SLC35D2: variants seen among roughly 807,000 people sequenced by gnomAD.
SLC35D2 encodes nucleotide sugar transporter SLC35D2.
A neutral mutation model predicts 41.8 loss-of-function variants in SLC35D2; 43 were observed. That is an observed-to-expected ratio of 1.03 (90% CI 0.81 to 1.33). The LOEUF is 1.33. SLC35D2 is among the 40% of genes most tolerant of loss of function. The pLI, the probability that SLC35D2 is intolerant of heterozygous loss-of-function variation, is 0.00. For missense variants in SLC35D2, 380 were observed against 408.4 expected, an observed-to-expected ratio of 0.93 and a Z score of 0.60; for synonymous variants, 150 against 163.9, an observed-to-expected ratio of 0.92 and a Z score of 0.65.
At chr9:96,316,669 A>T (rs1385490863), downstream of SLC35D2, among the ~76,000 whole-genome samples, 1 of 152,176 alleles carries the variant, frequency 6.6e-6, no homozygotes, top group Non-Finnish European at 1.5e-5. Context: ...GATTGCAGAC[A>T]AAAGCCTCAG....
chr9:96,350,113 CG>C (rs1829748380), intron 6 of SLC35D2, among the ~76,000 whole-genome samples: 2 of 152,018 alleles, frequency 1.3e-5, no homozygotes, highest in Admixed American at 1.3e-4. Flanking sequence ...ACAGATGACA[CG>C]TAAGTAATAA....
In SLC35D2 at chr9:96,333,844, T is replaced by C. The variant is rs768045266; in HGVS notation, c.752+2873A>G. On this transcript the variant is annotated intron_variant, in intron 9 of 11. Coordinates refer to ENST00000253270, the MANE Select transcript of SLC35D2 (RefSeq NM_007001.3). The stretch of plus-strand genomic sequence containing the variant: ...AAGTTTACAATGACATGAGAAGACT[T>C]TGAAACTTTGCTCTCCTGTTCACAG... Among the ~76,000 whole-genome samples, 5 of 152,124 alleles carry C rather than the reference T, an allele frequency of 3.3e-5. No individual in the cohort carries two copies. In the South Asian group the frequency reaches 6.2e-4, roughly 19 times the overall value.
In SLC35D2 at chr9:96,341,210, G is replaced by A. The variant is rs73536811; in HGVS notation, c.684+2694C>T. Reference sequence around the variant, plus strand: ...GCCGAGGCAGGAGAATTGCTTGAATGTGGGAGACAGAAGTTTCAGTGAGCC... The same window carrying A: ...GCCGAGGCAGGAGAATTGCTTGAATATGGGAGACAGAAGTTTCAGTGAGCC... On this transcript the variant is annotated intron_variant, in intron 8 of 11. Transcript: ENST00000253270. 2.5e-3 allele frequency among the ~76,000 whole-genome samples: 379 copies of A among 152,222 alleles called. 1 individual carries two copies. The highest frequency in any genetic ancestry group is 8.5e-3 in the African/African-American group (354 of 41,512).
At chr9:96,371,713 A>C (rs1219807522) in intron 1 of SLC35D2, among the ~76,000 whole-genome samples, 2 of 145,372 alleles carry the variant, frequency 1.4e-5, no homozygotes, top group Non-Finnish European at 3.0e-5. Context: ...GTTAAAACTA[A>C]ATTTCTTTTT....
intron 1 of SLC35D2, among the ~76,000 whole-genome samples, chr9:96,372,015 C>T (rs1407015906): frequency 1.3e-5 from 2 of 152,166 alleles, no homozygotes; most frequent in South Asian, 2.1e-4. Flanking sequence ...CGTGAGCCAC[C>T]GCGCCCAGCC....
chr9:96,324,933 C>T (rs533075626), intron 9 of SLC35D2, among the ~76,000 whole-genome samples: 1 of 152,238 alleles, frequency 6.6e-6, no homozygotes, highest in Admixed American at 6.6e-5. Context: ...GGGGCCCCGA[C>T]CGTGCACGAT....
Position 96,345,328 on chromosome 9 carries a change from C to A in SLC35D2, c.562G>T (p.Val188Phe), listed in dbSNP as rs745543550. The A allele has an allele frequency of 6.2e-7, 1 of 1,611,090 alleles. No individual in the cohort carries two copies. The highest frequency in any genetic ancestry group is 1.7e-5 in the Admixed American group (1 of 59,594). The stretch of plus-strand genomic sequence containing the variant: ...GGGTCCATTTTCTGTTTGGTATAAA[C>A]TCCATTTGCTGCTGTGAAGATATCA... ...LNDIFTAANG[V>F]YTKQKMDPKE... The change falls in exon 7 of 12, where the codon GTT becomes TTT. Residue 188 changes from valine to phenylalanine, a missense_variant. Physicochemically the swap from Val to Phe is conservative, Grantham distance 50. Transcript: ENST00000253270.
intron 6 of SLC35D2, among the ~76,000 whole-genome samples, chr9:96,347,694 A>T (rs1394827600): frequency 1.3e-5 from 2 of 152,092 alleles, no homozygotes; most frequent in Admixed American, 1.3e-4. Context: ...CTTAAATAGG[A>T]GCTGGGTAAA....
intron 8 of SLC35D2, among the ~76,000 whole-genome samples, chr9:96,340,097 T>C (rs1484602246): frequency 1.3e-5 from 2 of 152,052 alleles, no homozygotes; most frequent in Non-Finnish European, 2.9e-5. Context: ...CTAATTCATT[T>C]CTTTCTCCTA....
chr9:96,366,676 A>G (rs1462638646), intron 2 of SLC35D2, among the ~76,000 whole-genome samples: 1 of 151,156 alleles, frequency 6.6e-6, no homozygotes, highest in East Asian at 2.0e-4. Flanking sequence ...GAGTTTCACC[A>G]TGTTGTCCAG....
downstream of SLC35D2, among the ~76,000 whole-genome samples, chr9:96,317,870 A>C (rs1828093119): frequency 9.5e-6 from 1 of 104,936 alleles, no homozygotes; most frequent in Non-Finnish European, 1.7e-5. Flanking sequence ...CAAAAATACA[A>C]AAAAAAAAAA....
At chr9:96,344,143 C>T (rs190034345) in intron 7 of SLC35D2, 147 bp from the exon 8 acceptor site, 1 of 528,612 alleles carries the variant, frequency 1.9e-6, no homozygotes, top group East Asian at 3.4e-5. Context: ...AAATTTCTGA[C>T]ATAAAATGCT....
chr9:96,374,678 T>TA (rs199722043), intron 1 of SLC35D2, among the ~76,000 whole-genome samples: 34 of 126,782 alleles, frequency 2.7e-4, no homozygotes, highest in Middle Eastern at 4.6e-3. Flanking sequence ...ACTAAAAAAA[T>TA]AAAAAAAAAA....
rs530098714 is a variant in SLC35D2, at chr9:96,379,603, C to G, written c.158+3874G>C. ...CTACCAAAAGGTCCTTTCTTCTATCCTACAACACAACATTCTATCCTCAGA... is the reference window on the plus strand; with the variant it reads ...CTACCAAAAGGTCCTTTCTTCTATCGTACAACACAACATTCTATCCTCAGA... On this transcript the variant is annotated intron_variant, in intron 1 of 11. Coordinates refer to ENST00000253270, the MANE Select transcript of SLC35D2 (RefSeq NM_007001.3). Among the ~76,000 whole-genome samples the G allele has an allele frequency of 2.0e-5, 3 of 152,300 alleles. No homozygotes were observed. In the East Asian group the frequency reaches 5.8e-4, roughly 29 times the overall value.
intron 6 of SLC35D2, among the ~76,000 whole-genome samples, chr9:96,349,328 C>G (rs1182427695): frequency 6.6e-6 from 1 of 152,058 alleles, no homozygotes; most frequent in Non-Finnish European, 1.5e-5. Flanking sequence ...TTTTGTCTCC[C>G]AGGTCCATTC....
chr9:96,321,626 C>A (rs939224965), intron 11 of SLC35D2, among the ~76,000 whole-genome samples: 2 of 152,086 alleles, frequency 1.3e-5, no homozygotes, highest in African/African-American at 4.8e-5. Context: ...AATAGTATCC[C>A]ACTGCTGAGA....
At chr9:96,343,583 C>T (rs1829436853) in intron 8 of SLC35D2, among the ~76,000 whole-genome samples, 1 of 152,046 alleles carries the variant, frequency 6.6e-6, no homozygotes, top group Non-Finnish European at 1.5e-5. Flanking sequence ...GATCAAAATC[C>T]CCTTCTAGGG....
At position 96,321,358 on chromosome 9, in the gene SLC35D2, A is replaced by C; in HGVS notation, c.915-17T>G. 6.3e-7 allele frequency: 1 copy of C among 1,590,580 alleles called. No individual in the cohort carries two copies. ...CCTGCCATGCTGAAAGGAGAAAAAA[A>C]AGTGAAAATAAATGACTGGGAATTT... is the stretch of plus-strand genomic sequence containing the variant. On this transcript the variant is annotated splice_polypyrimidine_tract_variant and intron_variant, in intron 11 of 11. Transcript: ENST00000253270.
intron 8 of SLC35D2, among the ~76,000 whole-genome samples, chr9:96,340,703 A>G (rs1265181957): frequency 6.6e-6 from 1 of 150,786 alleles, no homozygotes; most frequent in African/African-American, 2.4e-5. Flanking sequence ...ATTTTATAGA[A>G]GGCCTTTTAT....
Sources: gnomAD v4.1 joint callset for allele counts (sites outside exome capture counted in the v4.1 genomes callset) on GRCh38, gnomAD v4.1.1 for gene constraint, MANE v1.5 for transcripts, NCBI Gene and HGNC (gene_info 2026-07-23, HGNC 2026-07-21) for gene names.